SLC2A13: variants seen among roughly 807,000 people sequenced by gnomAD.
SLC2A13 encodes the protein proton myo-inositol cotransporter.
In SLC2A13, 32 loss-of-function variants were observed where a neutral mutation model predicts 64.4. The observed-to-expected ratio is 0.50, with a 90% CI of 0.37 to 0.67. SLC2A13 has a LOEUF of 0.67. Among genes scored for constraint, SLC2A13 ranks in the 30% least tolerant of loss-of-function variants. SLC2A13 has a pLI of 0.00. For synonymous variants in SLC2A13, 338 were observed against 327.1 expected (o/e 1.03, Z -0.36); for missense variants, 743 against 829.2 (o/e 0.90, Z 1.28).
chr12:39,839,517 G>A lies in SLC2A13; in HGVS notation c.1320-9289C>T, dbSNP rs574799697. On this transcript the variant is annotated intron_variant, in intron 6 of 9. Transcript: ENST00000280871. ...CTGGTGGTTGTCTCATGGGTAACTCGGAGCACTTTTCCAACATACTATTAT... is the reference window on the plus strand; with the variant it reads ...CTGGTGGTTGTCTCATGGGTAACTCAGAGCACTTTTCCAACATACTATTAT... 2.1e-4 allele frequency among the ~76,000 whole-genome samples: 32 copies of A among 152,036 alleles called. No homozygotes were observed. The South Asian group carries it at 4.6e-3, about 22-fold the overall frequency.
intron 4 of SLC2A13, among the ~76,000 whole-genome samples, chr12:39,875,088 G>A (rs1944148951): frequency 6.6e-6 from 1 of 152,134 alleles, no homozygotes; most frequent in Non-Finnish European, 1.5e-5. Context: ...TTGCTGCCAT[G>A]ACAAATTACC....
chr12:40,031,517 G>A lies in SLC2A13; in HGVS notation c.717-3008C>T, dbSNP rs139212974. ...ATTACAGGCACGCGCCACTGCTTTC[G>A]GCCAAGTTACTTAACATTTTAACAC... On this transcript the variant is annotated intron_variant, in intron 2 of 9. Transcript: ENST00000280871. Among the ~76,000 whole-genome samples the A allele has an allele frequency of 5.9e-5, 9 of 152,180 alleles. No homozygotes were observed. The East Asian group carries it at 1.4e-3, about 23-fold the overall frequency.
chr12:39,811,010 C>T (rs750435617), intron 7 of SLC2A13, among the ~76,000 whole-genome samples: 14 of 152,064 alleles, frequency 9.2e-5, no homozygotes, highest in Non-Finnish European at 1.8e-4. Context: ...GGCATTATTT[C>T]TTCTTTAAAT....
intron 4 of SLC2A13, among the ~76,000 whole-genome samples, chr12:39,907,454 T>C (rs1945317886): frequency 6.6e-6 from 1 of 152,148 alleles, no homozygotes; most frequent in South Asian, 2.1e-4. Context: ...AAGAGTTTTC[T>C]ACAGAAAAAT....
chr12:39,796,041 C>G lies in SLC2A13; in HGVS notation c.1446-31183G>C, dbSNP rs149040632. ...CAGCCATTAGCAGTCACTCCCAAAC[C>G]TCTTCTCCCCCCAGCCTCTGGCAAC... On this transcript the variant is annotated intron_variant, in intron 7 of 9. Transcript: ENST00000280871. Among the ~76,000 whole-genome samples the G allele has an allele frequency of 8.2e-4, 125 of 152,260 alleles. 4 individuals are homozygous for G. In the East Asian group the frequency reaches 0.023, roughly 28 times the overall value.
At chr12:39,858,569 G>A (rs1943669225) in intron 6 of SLC2A13, among the ~76,000 whole-genome samples, 1 of 152,114 alleles carries the variant, frequency 6.6e-6, no homozygotes, top group Non-Finnish European at 1.5e-5. Context: ...GTCAAATACT[G>A]GGGAAAAAAG....
intron 3 of SLC2A13, among the ~76,000 whole-genome samples, chr12:39,975,828 G>A (rs570011495): frequency 5.3e-5 from 8 of 151,294 alleles, no homozygotes; most frequent in Admixed American, 3.3e-4. Flanking sequence ...AGGAGCCAAC[G>A]GATACAAATG....
At chr12:39,925,930 T>A (rs1324037432) in intron 4 of SLC2A13, among the ~76,000 whole-genome samples, 2 of 152,206 alleles carry the variant, frequency 1.3e-5, no homozygotes, top group African/African-American at 4.8e-5. Context: ...TTATCCAAAT[T>A]AATTTTTTAA....
chr12:39,812,392 C>CTTT (rs1942199978), intron 7 of SLC2A13, among the ~76,000 whole-genome samples: 5 of 111,736 alleles, frequency 4.5e-5, no homozygotes, highest in African/African-American at 1.2e-4. Context: ...CTTTCTTTCT[C>CTTT]TCTCTCTTTC....
At chr12:39,852,345 T>C (rs767614904) in intron 6 of SLC2A13, among the ~76,000 whole-genome samples, 1 of 152,230 alleles carries the variant, frequency 6.6e-6, no homozygotes, top group Non-Finnish European at 1.5e-5. Context: ...CTGTAATCAG[T>C]TGTAAGACTA....
chr12:39,883,998 A>G (rs1213284218), intron 4 of SLC2A13, among the ~76,000 whole-genome samples: 2 of 152,162 alleles, frequency 1.3e-5, no homozygotes, highest in Non-Finnish European at 2.9e-5. Context: ...TTCTTTACAC[A>G]TTTCCAATTT....
chr12:39,975,042 A>G (rs1302933404), intron 3 of SLC2A13, among the ~76,000 whole-genome samples: 2 of 152,268 alleles, frequency 1.3e-5, no homozygotes, highest in East Asian at 1.9e-4. Context: ...TTTCTTTTCA[A>G]TGTTTTAATG....
chr12:39,929,505 C>T (rs191419319), intron 4 of SLC2A13, among the ~76,000 whole-genome samples: 11 of 150,290 alleles, frequency 7.3e-5, no homozygotes, highest in Non-Finnish European at 1.0e-4. Flanking sequence ...GAGCCGAGAT[C>T]GAGCCATTGC....
intron 6 of SLC2A13, among the ~76,000 whole-genome samples, chr12:39,857,876 C>T (rs1192442478): frequency 6.6e-6 from 1 of 152,172 alleles, no homozygotes; most frequent in Non-Finnish European, 1.5e-5. Flanking sequence ...CCCTGAAATG[C>T]TTTTCCTTCA....
chr12:39,764,473 A>G lies in SLC2A13; in HGVS notation c.1707T>C (p.Tyr569=). ...VSLTFLHTAE[Y]LTYYGAFFLY... ...ATATTATCTTACCATAGTATGTAAG[A>G]TACTCTGCTGTGTGTAAAAATGTTA... is the stretch of plus-strand genomic sequence containing the variant. The change falls in exon 9 of 10, where the codon TAT becomes TAC. Residue 569 remains tyrosine (Y), a synonymous_variant. Transcript: ENST00000280871. 1 of 1,588,818 alleles carries G rather than the reference A, an allele frequency of 6.3e-7. No individual in the cohort carries two copies. The highest frequency in any genetic ancestry group is 8.5e-7 in the Non-Finnish European group (1 of 1,173,164).
intron 1 of SLC2A13, among the ~76,000 whole-genome samples, chr12:40,069,577 CTACAGA>C (rs1207069597): frequency 6.6e-6 from 1 of 151,814 alleles, no homozygotes; most frequent in Non-Finnish European, 1.5e-5. Flanking sequence ...TTACCAGCAT[CTACAGA>C]TGCTATCTTG....
intron 1 of SLC2A13, among the ~76,000 whole-genome samples, chr12:40,085,214 C>A (rs1224358416): frequency 6.6e-6 from 1 of 152,168 alleles, no homozygotes; most frequent in East Asian, 1.9e-4. Context: ...CTATGTATCT[C>A]TTTATCTGTT....
Position 40,105,995 on chromosome 12 carries a change from G to T in SLC2A13, c.-187C>A. 1.6e-6 allele frequency: 1 copy of T among 608,356 alleles called. No homozygotes were observed. Among genetic ancestry groups the T allele is most frequent in the Non-Finnish European group, 2.5e-6 (1 of 407,074 alleles). 37.7% of individuals were successfully genotyped at this position (608,356 alleles called of 1,614,324 possible). A position where few individuals can be genotyped will look rare whatever the true frequency, so the allele number is the denominator to read the frequency against. Reference sequence around the variant, plus strand: ...TCCGGGGAGAAAGTTGCTGCCCGCCGCGCTCCGACGCTGCGGAGTTGGAGC... The same window carrying T: ...TCCGGGGAGAAAGTTGCTGCCCGCCTCGCTCCGACGCTGCGGAGTTGGAGC... On this transcript the variant is annotated 5_prime_UTR_variant, in exon 1 of 10. Coordinates refer to ENST00000280871, the MANE Select transcript of SLC2A13 (RefSeq NM_052885.4). The surrounding 1 kb of genome is among the most constrained non-coding windows in gnomAD (Gnocchi z 4.2).
chr12:39,996,536 C>T (rs1947233394), intron 3 of SLC2A13, among the ~76,000 whole-genome samples: 1 of 152,184 alleles, frequency 6.6e-6, no homozygotes, highest in Non-Finnish European at 1.5e-5. Flanking sequence ...CACAGCAGCC[C>T]CTCTCATCAC....
Sources: gnomAD v4.1 joint callset for allele counts (sites outside exome capture counted in the v4.1 genomes callset) on GRCh38, gnomAD v4.1.1 for gene constraint, Gnocchi (gnomAD v3.1) non-coding constraint, MANE v1.5 for transcripts, NCBI Gene and HGNC (gene_info 2026-07-23, HGNC 2026-07-21) for gene names.